Variants in LMX1A observed in about 807,000 individuals in gnomAD.
LMX1A encodes the protein LIM homeobox transcription factor 1 alpha.
Under a neutral mutation model 49.1 loss-of-function variants are expected in LMX1A, and 15 were observed. That is an observed-to-expected ratio of 0.31 (90% CI 0.20 to 0.47). The LOEUF (loss-of-function observed/expected upper bound fraction) is 0.47, where lower values mean the gene tolerates loss of function less well. Ranked by LOEUF, LMX1A falls within the 20% of genes least tolerant of loss-of-function variation. The pLI is 1.00. For missense variants in LMX1A, 372 were observed against 475.8 expected (o/e 0.78, Z 2.03); for synonymous variants, 167 against 185.7 (o/e 0.90, Z 0.82).
At chr1:165,268,842 G>A (rs532068966) in intron 3 of LMX1A, among the ~76,000 whole-genome samples, 2 of 152,342 alleles carry the variant, frequency 1.3e-5, no homozygotes, top group East Asian at 1.9e-4. Flanking sequence ...CTGTCTACAT[G>A]TGCTTCACAT....
intron 3 of LMX1A, among the ~76,000 whole-genome samples, chr1:165,275,711 GGAGGGGAC>G (rs1423231491): frequency 2.0e-5 from 3 of 152,174 alleles, no homozygotes; most frequent in Non-Finnish European, 2.9e-5. Context: ...GGGGGCTGGT[GGAGGGGAC>G]GAGGCAGATG....
chr1:165,335,926 G>T (rs1655883718), intron 3 of LMX1A, among the ~76,000 whole-genome samples: 1 of 151,494 alleles, frequency 6.6e-6, no homozygotes, highest in Admixed American at 6.6e-5. Flanking sequence ...AGGTTTAAAG[G>T]TAATGAAAGA....
intron 4 of LMX1A, among the ~76,000 whole-genome samples, chr1:165,235,225 A>G (rs896477641): frequency 5.9e-5 from 9 of 152,294 alleles, no homozygotes; most frequent in Non-Finnish European, 8.8e-5. Context: ...GGACCAAACC[A>G]GGAGTCAGCT....
At chr1:165,220,586 C>A (rs1476729900) in intron 4 of LMX1A, among the ~76,000 whole-genome samples, 2 of 152,168 alleles carry the variant, frequency 1.3e-5, no homozygotes, top group African/African-American at 2.4e-5. Context: ...GTGGCAGGGT[C>A]AGGTTTCATG....
At chr1:165,320,759 A>G (rs1330473003) in intron 3 of LMX1A, among the ~76,000 whole-genome samples, 4 of 152,334 alleles carry the variant, frequency 2.6e-5, no homozygotes, top group South Asian at 4.1e-4. Flanking sequence ...TGCTAGGAGT[A>G]TTGCCTAGAG....
intron 3 of LMX1A, among the ~76,000 whole-genome samples, chr1:165,262,683 A>G (rs765302512): frequency 6.6e-6 from 1 of 152,038 alleles, no homozygotes; most frequent in Non-Finnish European, 1.5e-5. Context: ...CTCAAAAACT[A>G]TATCATATAT....
intron 3 of LMX1A, among the ~76,000 whole-genome samples, chr1:165,252,068 T>A (rs911253269): frequency 3.9e-5 from 6 of 152,216 alleles, no homozygotes; most frequent in Non-Finnish European, 8.8e-5. Context: ...TTGCAATTGC[T>A]GGCTCAAAAT....
chr1:165,279,474 G>GAGA (rs1654078683), intron 3 of LMX1A, among the ~76,000 whole-genome samples: 1 of 152,160 alleles, frequency 6.6e-6, no homozygotes, highest in South Asian at 2.1e-4. Context: ...AGATCCAAGA[G>GAGA]AGAAACTGGC....
chr1:165,275,837 G>T (rs900875260), intron 3 of LMX1A, among the ~76,000 whole-genome samples: 1 of 73,246 alleles, frequency 1.4e-5, no homozygotes, highest in African/African-American at 5.1e-5. Flanking sequence ...TGGCGCTGGG[G>T]TGTGTGTGTA....
chr1:165,207,534 A>G (rs1216519897), intron 7 of LMX1A: 1 of 152,414 alleles, frequency 6.6e-6, no homozygotes, highest in Non-Finnish European at 1.5e-5. Context: ...CATCTGTGAC[A>G]TAGGGATAAT....
chr1:165,250,023 T>C (rs1016485235), intron 3 of LMX1A, among the ~76,000 whole-genome samples: 5 of 1,642 alleles, frequency 3.0e-3, no homozygotes, highest in Non-Finnish European at 1.8e-3. Flanking sequence ...AAGTGGGAGC[T>C]GAACAATGAC....
chr1:165,219,406 CAG>C (rs1364408957), intron 4 of LMX1A, among the ~76,000 whole-genome samples: 1 of 151,914 alleles, frequency 6.6e-6, no homozygotes, highest in Non-Finnish European at 1.5e-5. Flanking sequence ...GTCTTTTAGA[CAG>C]GGGGAGTAGA....
At chr1:165,319,524 G>T (rs1046797161) in intron 3 of LMX1A, among the ~76,000 whole-genome samples, 1 of 152,024 alleles carries the variant, frequency 6.6e-6, no homozygotes. Flanking sequence ...TAATAAATAT[G>T]TATTATCAGG....
At chr1:165,326,994 G>A (rs1557886115) in intron 3 of LMX1A, among the ~76,000 whole-genome samples, 1 of 152,134 alleles carries the variant, frequency 6.6e-6, no homozygotes, top group Non-Finnish European at 1.5e-5. Context: ...CAATAGTGCT[G>A]AGACAGAGAA....
chr1:165,302,250 C>A (rs948769396), intron 3 of LMX1A, among the ~76,000 whole-genome samples: 4 of 151,952 alleles, frequency 2.6e-5, no homozygotes, highest in African/African-American at 7.3e-5. Context: ...TCAAGACCAG[C>A]CTCGCCAACA....
chr1:165,303,581 C>T (rs914930381), intron 3 of LMX1A, among the ~76,000 whole-genome samples: 2 of 152,340 alleles, frequency 1.3e-5, no homozygotes, highest in African/African-American at 2.4e-5. Flanking sequence ...GACTTGGCTT[C>T]GGCAGCCCAA....
chr1:165,250,051 G>A (rs1652999598), intron 3 of LMX1A, among the ~76,000 whole-genome samples: 1 of 151,792 alleles, frequency 6.6e-6, no homozygotes, highest in Non-Finnish European at 1.5e-5. Flanking sequence ...CACAGGGAGG[G>A]GAACAACACA....
rs111732188 is a variant in LMX1A, at chr1:165,275,166, T to A, written c.264-25526A>T. On this transcript the variant is annotated intron_variant, in intron 3 of 8. Coordinates refer to ENST00000342310, the MANE Select transcript of LMX1A (RefSeq NM_177398.4). ...TTGATCAAACACAGCCAGACTGACA[T>A]CTGAAATTGCCCCTGAAGTGCACAG... Among the ~76,000 whole-genome samples, 28 of 152,292 alleles carry A rather than the reference T, an allele frequency of 1.8e-4. 1 individual carries two copies. The highest frequency in any genetic ancestry group is 6.7e-4 in the African/African-American group (28 of 41,558).
At chr1:165,261,467 A>G (rs988863706) in intron 3 of LMX1A, among the ~76,000 whole-genome samples, 35 of 152,200 alleles carry the variant, frequency 2.3e-4, no homozygotes, top group African/African-American at 8.2e-4. Context: ...ATGCTGTGGA[A>G]TGCGGTACGG....
Sources: allele counts gnomAD v4.1 joint callset (sites outside exome capture counted in the v4.1 genomes callset), GRCh38; gene constraint gnomAD v4.1.1; transcripts MANE v1.5; gene names NCBI Gene and HGNC (gene_info 2026-07-23, HGNC 2026-07-21).